PPM1D: variants seen among roughly 807,000 people sequenced by gnomAD.
PPM1D encodes the protein protein phosphatase 1D.
A neutral mutation model predicts 58.3 loss-of-function variants in PPM1D; 52 were observed. The observed-to-expected ratio is 0.89, with a 90% CI of 0.71 to 1.12. The LOEUF is 1.12. Among genes scored for constraint, PPM1D ranks in the 50% most tolerant of loss-of-function variants. The pLI is 0.00. For synonymous variants in PPM1D, 278 were observed against 285.1 expected (o/e 0.98, Z 0.25); for missense variants, 564 against 777.2 (o/e 0.73, Z 3.26).
At chr17:60,655,353 G>C (rs1009631245) in intron 4 of PPM1D, among the ~76,000 whole-genome samples, 10 of 152,130 alleles carry the variant, frequency 6.6e-5, no homozygotes, top group African/African-American at 2.2e-4. Flanking sequence ...ACTTCTTGTT[G>C]TTGTTGTTGT....
chr17:60,620,561 G>A (rs1259713701), intron 1 of PPM1D, among the ~76,000 whole-genome samples: 1 of 151,682 alleles, frequency 6.6e-6, no homozygotes, highest in Non-Finnish European at 1.5e-5. Flanking sequence ...GAGTCTCGCT[G>A]TACTACACAG....
intron 4 of PPM1D, among the ~76,000 whole-genome samples, chr17:60,652,550 G>GTTTTTTTTTTTTT (rs776162517): frequency 2.1e-4 from 14 of 67,632 alleles, no homozygotes; most frequent in East Asian, 5.4e-4. Flanking sequence ...GTTTACTTCT[G>GTTTTTTTTTTTTT]TTTTTTTTTT....
intron 1 of PPM1D, among the ~76,000 whole-genome samples, chr17:60,614,143 G>C (rs905280537): frequency 6.6e-6 from 1 of 152,150 alleles, no homozygotes; most frequent in Admixed American, 6.5e-5. Flanking sequence ...CTAGCTAAGG[G>C]ATTGTAAATA....
chr17:60,612,032 TG>T (rs2143632599), intron 1 of PPM1D, among the ~76,000 whole-genome samples: 1 of 151,608 alleles, frequency 6.6e-6, no homozygotes, highest in East Asian at 2.0e-4. Flanking sequence ...AGTGGCTACA[TG>T]TGGGTATTTA....
At chr17:60,660,514 G>A (rs918218230) in intron 5 of PPM1D, among the ~76,000 whole-genome samples, 31 of 151,596 alleles carry the variant, frequency 2.0e-4, no homozygotes, top group African/African-American at 6.8e-4. Flanking sequence ...TTTTAGAAAC[G>A]AGTTTCTGGG....
intron 5 of PPM1D, among the ~76,000 whole-genome samples, chr17:60,662,697 A>G (rs1043358907): frequency 2.6e-5 from 4 of 152,228 alleles, no homozygotes; most frequent in Non-Finnish European, 5.9e-5. Flanking sequence ...GCCAATGGAT[A>G]GAAAATGCTT....
At chr17:60,626,023 A>G (rs984204418) in intron 2 of PPM1D, among the ~76,000 whole-genome samples, 3 of 152,216 alleles carry the variant, frequency 2.0e-5, no homozygotes, top group Admixed American at 6.5e-5. Context: ...TTCATATACA[A>G]TCAAATATAT....
intron 4 of PPM1D, 70 bp downstream of exon 4, chr17:60,648,152 A>G (rs112902905): frequency 4.7e-6 from 7 of 1,497,064 alleles, no homozygotes; most frequent in Admixed American, 2.0e-5. Flanking sequence ...AGAATCTTGA[A>G]TATGAACTAA....
At position 60,601,489 on chromosome 17, in the gene PPM1D, A is replaced by C. The variant is rs534289436; in HGVS notation, c.472+603A>C. Among the ~76,000 whole-genome samples, 4 of 152,324 alleles carry C rather than the reference A, an allele frequency of 2.6e-5. No individual in the cohort carries two copies. In the East Asian group the frequency reaches 7.7e-4, roughly 29 times the overall value. On this transcript the variant is annotated intron_variant, in intron 1 of 5. Transcript: ENST00000305921. ...ATGGTGAGATGTTTTTAGGATCATA[A>C]ACCTGTACTGCTTATGAAAACTAAA...
At chr17:60,613,483 G>A (rs755022900) in intron 1 of PPM1D, among the ~76,000 whole-genome samples, 4 of 152,236 alleles carry the variant, frequency 2.6e-5, no homozygotes, top group African/African-American at 4.8e-5. Context: ...GGCTCTCAGC[G>A]CCTCCTCAGC....
rs1407969661 is a variant in PPM1D, at chr17:60,664,992, G to GA, written c.*1441dup. 2 of 145,086 alleles carry GA rather than the reference G, an allele frequency of 1.4e-5. No individual in the cohort carries two copies. The highest frequency in any genetic ancestry group is 1.4e-4 in the Admixed American group (2 of 14,516). The allele number at this position is 145,086 out of a possible 1,614,324, so 9.0% of individuals were successfully genotyped here. The stretch of plus-strand genomic sequence containing the variant: ...GGCTAATTTTTTTTTTTTTTTTTGA[G>GA]ATGGAGTCTAGCTCTGTCATCCAGG... On this transcript the variant is annotated 3_prime_UTR_variant, in exon 6 of 6. Transcript: ENST00000305921.
At chr17:60,638,816 T>A (rs1435930380) in intron 3 of PPM1D, among the ~76,000 whole-genome samples, 1 of 152,172 alleles carries the variant, frequency 6.6e-6, no homozygotes, top group Non-Finnish European at 1.5e-5. Context: ...CTTATAGGTT[T>A]TTTTGGGCGG....
At chr17:60,607,018 A>G (rs954651623) in intron 1 of PPM1D, among the ~76,000 whole-genome samples, 10 of 150,242 alleles carry the variant, frequency 6.7e-5, no homozygotes, top group African/African-American at 2.2e-4. Flanking sequence ...TTTTATAGAG[A>G]CAGGGTCTTG....
intron 1 of PPM1D, among the ~76,000 whole-genome samples, chr17:60,622,923 C>T (rs975871416): frequency 6.6e-6 from 1 of 152,166 alleles, no homozygotes; most frequent in African/African-American, 2.4e-5. Flanking sequence ...ATGGCGAAAC[C>T]CCATCTCTAC....
intron 1 of PPM1D, among the ~76,000 whole-genome samples, chr17:60,615,770 G>T (rs2030570376): frequency 6.6e-6 from 1 of 150,652 alleles, no homozygotes; most frequent in Non-Finnish European, 1.5e-5. Flanking sequence ...TCCTGCCTTG[G>T]CCTGCCAAAG....
intron 3 of PPM1D, among the ~76,000 whole-genome samples, chr17:60,645,522 G>GTATA (rs200672148): frequency 1.2e-4 from 15 of 124,212 alleles, no homozygotes; most frequent in East Asian, 8.8e-4. Context: ...GTATATATAT[G>GTATA]TATATATATA....
intron 2 of PPM1D, among the ~76,000 whole-genome samples, chr17:60,632,765 C>G (rs992562341): frequency 3.3e-5 from 5 of 152,140 alleles, no homozygotes; most frequent in African/African-American, 1.2e-4. Flanking sequence ...GTCAAGAGTT[C>G]GAGACCAGCC....
chr17:60,649,128 G>GCCCAGGCTGGTTTAGAACT (rs1279615413), intron 4 of PPM1D, among the ~76,000 whole-genome samples: 2 of 151,108 alleles, frequency 1.3e-5, no homozygotes, highest in Admixed American at 1.3e-4. Flanking sequence ...TCACTATGTT[G>GCCCAGGCTGGTTTAGAACT]CCCAGGCTGG....
intron 1 of PPM1D, among the ~76,000 whole-genome samples, chr17:60,615,816 C>G (rs2030571437): frequency 6.6e-6 from 1 of 151,254 alleles, no homozygotes; most frequent in African/African-American, 2.4e-5. Context: ...CGCGCCTGCA[C>G]CTCCCTCCCC....
Sources: allele counts gnomAD v4.1 joint callset (sites outside exome capture counted in the v4.1 genomes callset), GRCh38; gene constraint gnomAD v4.1.1; transcripts MANE v1.5; gene names NCBI Gene and HGNC (gene_info 2026-07-23, HGNC 2026-07-21).